The following THRB variants were observed in gnomAD, a reference collection of about 807,000 sequenced individuals.
THRB encodes the protein nuclear receptor subfamily 1 group A member 2.
THRB carries 12 observed loss-of-function variants against 47.8 expected under a neutral mutation model. The observed-to-expected ratio is 0.25, with a 90% CI of 0.16 to 0.41. The LOEUF (loss-of-function observed/expected upper bound fraction) is 0.41. Among genes scored for constraint, THRB ranks in the 10% least tolerant of loss-of-function variants. The pLI is 1.00. For synonymous variants in THRB, 218 were observed against 212.2 expected, an observed-to-expected ratio of 1.03 and a Z score of -0.24; for missense variants, 348 against 589.2, an observed-to-expected ratio of 0.59 and a Z score of 4.24.
intron 3 of THRB, among the ~76,000 whole-genome samples, chr3:24,264,748 T>C (rs2052461536): frequency 6.6e-6 from 1 of 151,798 alleles, no homozygotes; most frequent in Non-Finnish European, 1.5e-5. Flanking sequence ...AATCAATGTT[T>C]CAAATATTTG....
intron 1 of THRB, among the ~76,000 whole-genome samples, chr3:24,391,254 A>G (rs1335324018): frequency 6.6e-6 from 1 of 152,208 alleles, no homozygotes; most frequent in African/African-American, 2.4e-5. Flanking sequence ...AAATATGGTC[A>G]AAAGCATAAA....
At chr3:24,282,645 A>G (rs1314141114) in intron 3 of THRB, among the ~76,000 whole-genome samples, 1 of 144,924 alleles carries the variant, frequency 6.9e-6, no homozygotes, top group Admixed American at 6.7e-5. Context: ...CGAATCCAGG[A>G]GCTGGTTTTT....
intron 1 of THRB, among the ~76,000 whole-genome samples, chr3:24,366,976 A>AT (rs965031791): frequency 5.3e-4 from 80 of 150,078 alleles, no homozygotes; most frequent in African/African-American, 1.6e-3. Context: ...TTTCAAATCA[A>AT]TTTTTTTTTC....
intron 1 of THRB, among the ~76,000 whole-genome samples, chr3:24,471,661 A>G (rs994332255): frequency 5.3e-5 from 8 of 152,182 alleles, no homozygotes; most frequent in African/African-American, 1.9e-4. Flanking sequence ...CAACATCCAC[A>G]GAGAGGACTG....
intron 1 of THRB, among the ~76,000 whole-genome samples, chr3:24,351,225 A>G (rs576161044): frequency 6.6e-6 from 1 of 152,130 alleles, no homozygotes; most frequent in African/African-American, 2.4e-5. Flanking sequence ...TAGTTTTAAA[A>G]CTTTCTTTGC....
chr3:24,478,782 C>T (rs1352443477), intron 1 of THRB, among the ~76,000 whole-genome samples: 1 of 152,030 alleles, frequency 6.6e-6, no homozygotes, highest in Non-Finnish European at 1.5e-5. Context: ...CGAAGATCAT[C>T]ATGATGAAAA....
intron 1 of THRB, among the ~76,000 whole-genome samples, chr3:24,479,042 T>C (rs555964230): frequency 1.3e-5 from 2 of 152,262 alleles, no homozygotes; most frequent in South Asian, 2.1e-4. Flanking sequence ...TTAACGCCTG[T>C]AATCCCAGCA....
chr3:24,359,672 A>C (rs2063935478), intron 1 of THRB, among the ~76,000 whole-genome samples: 2 of 152,138 alleles, frequency 1.3e-5, no homozygotes, highest in African/African-American at 2.4e-5. Context: ...CACTTCTGTC[A>C]CTGGAAACAT....
intron 2 of THRB, among the ~76,000 whole-genome samples, chr3:24,305,380 G>A (rs1159674659): frequency 1.3e-5 from 2 of 152,158 alleles, no homozygotes; most frequent in Non-Finnish European, 2.9e-5. Context: ...GCTACAGGTT[G>A]GGTAGGGGTG....
chr3:24,147,715 C>G (rs764178957), intron 6 of THRB, among the ~76,000 whole-genome samples: 3 of 152,180 alleles, frequency 2.0e-5, no homozygotes, highest in Non-Finnish European at 2.9e-5. Flanking sequence ...CAGCAGTGAG[C>G]ACTTATTGTG....
At chr3:24,469,110 G>A (rs1240211588) in intron 1 of THRB, among the ~76,000 whole-genome samples, 2 of 152,056 alleles carry the variant, frequency 1.3e-5, no homozygotes, top group Non-Finnish European at 2.9e-5. Context: ...CACCTCCGCT[G>A]GAATGTTTTC....
chr3:24,468,522 G>C lies in THRB; in HGVS notation c.-261+26130C>G, dbSNP rs140907428. Among the ~76,000 whole-genome samples, 393 of 152,264 alleles carry C rather than the reference G, an allele frequency of 2.6e-3. 2 individuals carry two copies. The highest frequency in any genetic ancestry group is 3.6e-3 in the Non-Finnish European group (245 of 68,016). On this transcript the variant is annotated intron_variant, in intron 1 of 10. Coordinates refer to ENST00000646209, the MANE Select transcript of THRB (RefSeq NM_001354712.2). ...CTTCTTTTCACTTGAACACTTAGAG[G>C]CTATTGTAGGGTTACTAACTGGCCT...
chr3:24,199,746 A>G (rs995687091), intron 4 of THRB, among the ~76,000 whole-genome samples: 1 of 152,220 alleles, frequency 6.6e-6, no homozygotes, highest in African/African-American at 2.4e-5. Flanking sequence ...TTTATAGAGG[A>G]TGCTTATTAA....
At chr3:24,414,269 A>G (rs1170489689) in intron 1 of THRB, among the ~76,000 whole-genome samples, 1 of 151,958 alleles carries the variant, frequency 6.6e-6, no homozygotes, top group Non-Finnish European at 1.5e-5. Flanking sequence ...CTTTATATTA[A>G]TTCAGAAGAT....
chr3:24,299,766 C>CTTTTTTTTTTTTTTT lies in THRB; in HGVS notation c.-188-2396_-188-2395insAAAAAAAAAAAAAAA, dbSNP rs1360367092. 5.3e-4 allele frequency among the ~76,000 whole-genome samples: 31 copies of CTTTTTTTTTTTTTTT among 58,564 alleles called. 12 individuals are homozygous for CTTTTTTTTTTTTTTT. The highest frequency in any genetic ancestry group is 1.9e-3 in the African/African-American group (24 of 12,366). 38.4% of individuals were successfully genotyped at this position (58,564 alleles called of 152,430 possible). On this transcript the variant is annotated intron_variant, in intron 2 of 10. Coordinates refer to ENST00000646209, the MANE Select transcript of THRB (RefSeq NM_001354712.2). ...GCCTTGAGGCTTCTGGGGAAGTATG[C>CTTTTTTTTTTTTTTT]TTTTTTATTTATTTATTTATTTATT... is the stretch of plus-strand genomic sequence containing the variant.
At chr3:24,490,206 G>A (rs1312151173) in intron 1 of THRB, among the ~76,000 whole-genome samples, 1 of 152,136 alleles carries the variant, frequency 6.6e-6, no homozygotes, top group East Asian at 1.9e-4. Flanking sequence ...ATAAATATTT[G>A]TAGACTGAAT....
intron 2 of THRB, among the ~76,000 whole-genome samples, chr3:24,303,171 C>A (rs73148367): frequency 6.6e-6 from 1 of 152,176 alleles, no homozygotes; most frequent in Non-Finnish European, 1.5e-5. Context: ...TTGTTTTTCA[C>A]TTGATAAAAC....
At chr3:24,386,910 G>T (rs2066167176) in intron 1 of THRB, among the ~76,000 whole-genome samples, 1 of 152,056 alleles carries the variant, frequency 6.6e-6, no homozygotes, top group Admixed American at 6.6e-5. Flanking sequence ...AGCACAGAAA[G>T]CACTTAACAC....
chr3:24,449,395 G>A (rs188092996), intron 1 of THRB, among the ~76,000 whole-genome samples: 1 of 152,192 alleles, frequency 6.6e-6, no homozygotes, highest in Admixed American at 6.5e-5. Flanking sequence ...CTGGTTGACA[G>A]AAATGGGCAT....
Sources: gnomAD v4.1 joint callset for allele counts (sites outside exome capture counted in the v4.1 genomes callset) on GRCh38, gnomAD v4.1.1 for gene constraint, MANE v1.5 for transcripts, NCBI Gene and HGNC (gene_info 2026-07-23, HGNC 2026-07-21) for gene names.